RBFOX1: variants seen among roughly 807,000 people sequenced by gnomAD.
RBFOX1 encodes RNA binding fox-1 homolog 1.
Under a neutral mutation model 57.7 loss-of-function variants are expected in RBFOX1, and 8 were observed. That is an observed-to-expected ratio of 0.14 (90% CI 0.08 to 0.25). The LOEUF (loss-of-function observed/expected upper bound fraction) is 0.25, where lower values mean the gene tolerates loss of function less well. RBFOX1 is among the 10% of genes least tolerant of loss of function. The pLI is 1.00. For synonymous variants in RBFOX1, 326 were observed against 222.4 expected (o/e 1.47, Z -4.15); for missense variants, 611 against 548.5 (o/e 1.11, Z -1.14).
intron 1 of RBFOX1, among the ~76,000 whole-genome samples, chr16:5,408,713 G>T (rs1458143707): frequency 6.6e-6 from 1 of 152,210 alleles, no homozygotes; most frequent in Non-Finnish European, 1.5e-5. Flanking sequence ...CATCTGCTCA[G>T]CTTCTGGGGA....
intron 1 of RBFOX1, among the ~76,000 whole-genome samples, chr16:6,024,338 A>G (rs1249514055): frequency 6.6e-6 from 1 of 152,226 alleles, no homozygotes; most frequent in Non-Finnish European, 1.5e-5. Flanking sequence ...ATATATTTTC[A>G]TAAGGATAAT....
At chr16:7,645,655 G>A (rs1189896708) in intron 11 of RBFOX1, among the ~76,000 whole-genome samples, 1 of 152,138 alleles carries the variant, frequency 6.6e-6, no homozygotes, top group Non-Finnish European at 1.5e-5. Context: ...TGTGGAGCAT[G>A]GTGATTAGAC....
At chr16:6,369,912 T>G (rs1159095665) in intron 2 of RBFOX1, among the ~76,000 whole-genome samples, 2 of 152,180 alleles carry the variant, frequency 1.3e-5, no homozygotes, top group East Asian at 3.9e-4. Flanking sequence ...TTTCATCAAT[T>G]GTCCCAATAA....
rs536130328 is a variant in RBFOX1 at position 7,357,587 on chromosome 16, A to G, written c.28-160560A>G. Among the ~76,000 whole-genome samples, 290 of 152,132 alleles carry G rather than the reference A, an allele frequency of 1.9e-3. 6 individuals are homozygous for G. Among genetic ancestry groups the G allele is most frequent in the South Asian group, 6.2e-4 (3 of 4,814 alleles). ...TTTTGCTGCATACATTTTGAGCCCT[A>G]TATGTGCATTTCACCCATCTTCCTG... is the stretch of plus-strand genomic sequence containing the variant. On this transcript the variant is annotated intron_variant, in intron 4 of 15. Transcript: ENST00000550418.
intron 11 of RBFOX1, among the ~76,000 whole-genome samples, chr16:7,642,088 C>A (rs1259521509): frequency 6.6e-6 from 1 of 152,104 alleles, no homozygotes; most frequent in Non-Finnish European, 1.5e-5. Flanking sequence ...GCACTCTAGC[C>A]TGGGGGAGAC....
chr16:7,086,682 C>G (rs1392586248), intron 4 of RBFOX1, among the ~76,000 whole-genome samples: 1 of 127,688 alleles, frequency 7.8e-6, no homozygotes, highest in Admixed American at 8.1e-5. Flanking sequence ...GCAAAATTTC[C>G]TAGGTCTGCG....
At chr16:7,055,167 C>A (rs529438165) in intron 4 of RBFOX1, among the ~76,000 whole-genome samples, 60 of 152,228 alleles carry the variant, frequency 3.9e-4, no homozygotes, top group African/African-American at 1.4e-3. Flanking sequence ...TGCAGGTCTT[C>A]TCATAGCCTT....
intron 2 of RBFOX1, among the ~76,000 whole-genome samples, chr16:6,643,727 TAC>T (rs1172490867): frequency 6.6e-6 from 1 of 152,136 alleles, no homozygotes. Context: ...GCCAATTCCC[TAC>T]ACTCTAAAAC....
intron 2 of RBFOX1, among the ~76,000 whole-genome samples, chr16:6,360,937 C>G (rs1336837364): frequency 6.9e-6 from 1 of 144,564 alleles, no homozygotes; most frequent in African/African-American, 2.5e-5. Flanking sequence ...AGGGGTGGTC[C>G]TTTCACATCT....
At position 6,352,597 on chromosome 16, in the gene RBFOX1, G is replaced by A. The variant is rs368784081; in HGVS notation, c.-64+35540G>A. The stretch of plus-strand genomic sequence containing the variant: ...AACAAAAAAACAAACAAACAAAATC[G>A]TCTATTTATCCTGTCCTTGCTTTGG... On this transcript the variant is annotated intron_variant, in intron 2 of 15. Transcript: ENST00000550418. 7.2e-5 allele frequency among the ~76,000 whole-genome samples: 11 copies of A among 152,244 alleles called. No homozygotes were observed. The East Asian group carries it at 9.7e-4, about 13-fold the overall frequency.
intron 3 of RBFOX1, among the ~76,000 whole-genome samples, chr16:6,985,809 G>A (rs1463468145): frequency 6.9e-5 from 10 of 144,234 alleles, no homozygotes; most frequent in Admixed American, 2.1e-4. Flanking sequence ...ACTCCGGCCT[G>A]GGCCACAGAG....
chr16:7,003,196 C>G (rs535436757), intron 3 of RBFOX1, among the ~76,000 whole-genome samples: 4 of 152,044 alleles, frequency 2.6e-5, no homozygotes, highest in Non-Finnish European at 5.9e-5. Flanking sequence ...CACGGTGGCT[C>G]ACGCCTGTAA....
chr16:6,761,775 G>T (rs909461449), intron 3 of RBFOX1, among the ~76,000 whole-genome samples: 18 of 151,856 alleles, frequency 1.2e-4, no homozygotes, highest in African/African-American at 3.9e-4. Flanking sequence ...AAAGTGCTGG[G>T]ATTACAGGCA....
chr16:7,160,003 T>G (rs2077966464), intron 4 of RBFOX1, among the ~76,000 whole-genome samples: 1 of 152,206 alleles, frequency 6.6e-6, no homozygotes, highest in Non-Finnish European at 1.5e-5. Flanking sequence ...TTGTTTTGTG[T>G]TTTCTTGACA....
intron 12 of RBFOX1, among the ~76,000 whole-genome samples, chr16:7,659,378 C>A (rs547218268): frequency 6.6e-6 from 1 of 152,172 alleles, no homozygotes; most frequent in African/African-American, 2.4e-5. Context: ...CTGGTTTTAT[C>A]TTCTAAATAT....
At chr16:6,219,874 G>C (rs1990569) in intron 1 of RBFOX1, among the ~76,000 whole-genome samples, 143,765 of 152,210 alleles carry the variant, frequency 0.94, 68,433 homozygotes, top group East Asian at 1. Flanking sequence ...AAAACTGCAT[G>C]TCAAAAAAAC....
chr16:6,873,659 G>A (rs1236716598), intron 3 of RBFOX1, among the ~76,000 whole-genome samples: 1 of 152,140 alleles, frequency 6.6e-6, no homozygotes, highest in African/African-American at 2.4e-5. Flanking sequence ...TGCATTCATA[G>A]GTTTAGAAGG....
At chr16:6,870,568 T>G (rs1030219253) in intron 3 of RBFOX1, among the ~76,000 whole-genome samples, 1 of 152,206 alleles carries the variant, frequency 6.6e-6, no homozygotes, top group Non-Finnish European at 1.5e-5. Context: ...GCAGGCTGGT[T>G]TTAATTTCAG....
At chr16:7,076,471 C>A (rs1250583554) in intron 4 of RBFOX1, among the ~76,000 whole-genome samples, 3 of 152,042 alleles carry the variant, frequency 2.0e-5, no homozygotes, top group South Asian at 2.1e-4. Flanking sequence ...TACCAGATTT[C>A]TTGGTGGAAG....
Sources: allele counts gnomAD v4.1 joint callset (sites outside exome capture counted in the v4.1 genomes callset), GRCh38; gene constraint gnomAD v4.1.1; transcripts MANE v1.5; gene names NCBI Gene and HGNC (gene_info 2026-07-23, HGNC 2026-07-21).